Variants in PDE1C observed in about 807,000 individuals in gnomAD.
PDE1C encodes the protein phosphodiesterase 1C.
A neutral mutation model predicts 93.1 loss-of-function variants in PDE1C; 62 were observed. The observed-to-expected ratio is 0.67, with a 90% CI of 0.54 to 0.82. PDE1C has a LOEUF of 0.82. Ranked by LOEUF, PDE1C falls within the 40% of genes least tolerant of loss-of-function variation. The probability of loss-of-function intolerance (pLI) is 0.00; values close to 1 mark genes in which losing one functional copy is unlikely to be tolerated. For synonymous variants in PDE1C, 325 were observed against 310.1 expected (o/e 1.05, Z -0.50); for missense variants, 742 against 884.6 (o/e 0.84, Z 2.04).
At chr7:31,758,700 A>G (rs1373987950) in intron 17 of PDE1C, among the ~76,000 whole-genome samples, 1 of 152,222 alleles carries the variant, frequency 6.6e-6, no homozygotes, top group Admixed American at 6.5e-5. Context: ...AGGTTTGTTT[A>G]TTAGATCTCA....
downstream of PDE1C, among the ~76,000 whole-genome samples, chr7:31,746,646 C>T (rs988522870): frequency 5.3e-5 from 8 of 152,130 alleles, no homozygotes; most frequent in East Asian, 1.4e-3. Flanking sequence ...CAGTAGAAAC[C>T]GGATATGGTT....
intron 1 of PDE1C, among the ~76,000 whole-genome samples, chr7:32,313,660 A>T (rs1214359444): frequency 1.3e-5 from 2 of 151,328 alleles, no homozygotes; most frequent in Non-Finnish European, 2.9e-5. Context: ...AGGACAAAAA[A>T]CCAAACACCG....
chr7:32,012,513 T>C (rs892590170), intron 2 of PDE1C, among the ~76,000 whole-genome samples: 6 of 152,088 alleles, frequency 3.9e-5, no homozygotes, highest in South Asian at 4.2e-4. Context: ...GGGACAAACA[T>C]CCAAACCCAT....
chr7:32,176,445 G>A (rs757122760), intron 2 of PDE1C, among the ~76,000 whole-genome samples: 109 of 152,124 alleles, frequency 7.2e-4, no homozygotes, highest in Admixed American at 1.2e-3. Flanking sequence ...AAGTAAGACA[G>A]GTTGGAGATG....
intron 1 of PDE1C, among the ~76,000 whole-genome samples, chr7:32,411,037 G>T (rs79616975): frequency 6.6e-6 from 1 of 152,168 alleles, no homozygotes; most frequent in Non-Finnish European, 1.5e-5. Flanking sequence ...AAATATGCCC[G>T]AGTGTATACA....
chr7:32,161,547 G>T (rs1027152313), intron 3 of PDE1C, among the ~76,000 whole-genome samples: 1 of 147,282 alleles, frequency 6.8e-6, no homozygotes, highest in Non-Finnish European at 1.5e-5. Context: ...ACCCCCAGGG[G>T]TAGTTTGGTC....
chr7:32,354,463 A>C (rs4342492), intron 1 of PDE1C, among the ~76,000 whole-genome samples: 25,853 of 152,094 alleles, frequency 0.17, 3,485 homozygotes, highest in African/African-American at 0.37. Flanking sequence ...CCTGTCTCAC[A>C]CAAAAAAATT....
upstream of PDE1C, among the ~76,000 whole-genome samples, chr7:32,301,007 T>TAA (rs148698951): frequency 2.7e-5 from 4 of 149,786 alleles, no homozygotes; most frequent in Non-Finnish European, 4.5e-5. Flanking sequence ...CTGGCTGCTT[T>TAA]AAAAAAAAAA....
At chr7:31,659,151 T>TTA in the PDE1C span, among the ~76,000 whole-genome samples, 28 of 152,148 alleles carry the variant, frequency 1.8e-4, no homozygotes, top group African/African-American at 5.3e-4. Flanking sequence ...AACCAAGTGT[T>TTA]TATATATATA....
chr7:31,823,037 T>A (rs769476675), intron 14 of PDE1C, 36 bp downstream of exon 14: 2 of 1,531,670 alleles, frequency 1.3e-6, no homozygotes, highest in South Asian at 2.5e-5. Flanking sequence ...CCTTGTTTTA[T>A]GCTGAATTGG....
intron 2 of PDE1C, among the ~76,000 whole-genome samples, chr7:32,018,226 A>G (rs1202357741): frequency 6.6e-6 from 1 of 152,098 alleles, no homozygotes; most frequent in Non-Finnish European, 1.5e-5. Context: ...TGTAATATGT[A>G]TGGTGCAGCT....
intron 15 of PDE1C, among the ~76,000 whole-genome samples, chr7:31,812,871 C>A (rs1787722976): frequency 6.6e-6 from 1 of 152,110 alleles, no homozygotes; most frequent in Admixed American, 6.6e-5. Context: ...GTTTACCTAA[C>A]AGAGCATTGA....
chr7:32,009,297 G>C (rs748046399), intron 2 of PDE1C, among the ~76,000 whole-genome samples: 1 of 152,178 alleles, frequency 6.6e-6, no homozygotes, highest in African/African-American at 2.4e-5. Flanking sequence ...TGAGTCAGGA[G>C]ATGGAGTTGG....
chr7:31,636,607 G>A, the PDE1C span, among the ~76,000 whole-genome samples: 1 of 152,028 alleles, frequency 6.6e-6, no homozygotes, highest in Admixed American at 6.6e-5. Context: ...GTCTGGGAGT[G>A]GGAGTGAGAA....
intron 2 of PDE1C, among the ~76,000 whole-genome samples, chr7:31,989,212 T>C (rs552634954): frequency 4.6e-5 from 7 of 152,280 alleles, no homozygotes; most frequent in African/African-American, 1.7e-4. Flanking sequence ...CTCACTTTGC[T>C]TTATTTTCAT....
intron 10 of PDE1C, among the ~76,000 whole-genome samples, chr7:31,837,559 C>T (rs929047019): frequency 1.3e-5 from 2 of 152,132 alleles, no homozygotes; most frequent in African/African-American, 4.8e-5. Flanking sequence ...AGCAAGAATC[C>T]AAGAGTCACT....
chr7:31,727,311 C>A, the PDE1C span, among the ~76,000 whole-genome samples: 1 of 152,172 alleles, frequency 6.6e-6, no homozygotes, highest in Non-Finnish European at 1.5e-5. Context: ...GGCATTGAAA[C>A]AAGATTATAA....
At chr7:31,803,839 A>G (rs188451780) in intron 16 of PDE1C, among the ~76,000 whole-genome samples, 52 of 152,112 alleles carry the variant, frequency 3.4e-4, no homozygotes, top group African/African-American at 1.2e-3. Flanking sequence ...GCTATTGTGA[A>G]TAGTGCTGCT....
intron 3 of PDE1C, among the ~76,000 whole-genome samples, chr7:32,103,530 A>C (rs1437505510): frequency 6.6e-6 from 1 of 152,216 alleles, no homozygotes; most frequent in East Asian, 1.9e-4. Context: ...AGAGAAAATA[A>C]CACAATGTAC....
Sources: allele counts gnomAD v4.1 joint callset (sites outside exome capture counted in the v4.1 genomes callset), GRCh38; gene constraint gnomAD v4.1.1; transcripts MANE v1.5; gene names NCBI Gene and HGNC (gene_info 2026-07-23, HGNC 2026-07-21).